The following IPO11 variants were observed in gnomAD, a reference collection of about 807,000 sequenced individuals.
IPO11 encodes the protein importin 11, also known as importin-11.
A neutral mutation model predicts 143.2 loss-of-function variants in IPO11; 66 were observed. That is an observed-to-expected ratio of 0.46 (90% CI 0.38 to 0.57). IPO11 has a LOEUF of 0.57. Ranked by LOEUF, IPO11 falls within the 20% of genes least tolerant of loss-of-function variation. The pLI is 0.00. For synonymous variants in IPO11, 385 were observed against 377.8 expected, an observed-to-expected ratio of 1.02 and a Z score of -0.22; for missense variants, 1,026 against 1,141.0, an observed-to-expected ratio of 0.90 and a Z score of 1.45.
intron 1 of IPO11, among the ~76,000 whole-genome samples, chr5:62,415,439 A>C (rs1743257302): frequency 6.8e-6 from 1 of 146,884 alleles, no homozygotes; most frequent in Admixed American, 6.9e-5. Flanking sequence ...CTGGGATTAC[A>C]GGAGTGAGCC....
At chr5:62,551,419 T>C in intron 26 of IPO11, 83 bp downstream of exon 26, 1 of 742,780 alleles carries the variant, frequency 1.3e-6, no homozygotes, top group Non-Finnish European at 2.3e-6. Flanking sequence ...TGAGTCTTTG[T>C]AAAAGTCGCT....
At chr5:62,453,766 A>G (rs1001116722) in intron 5 of IPO11, among the ~76,000 whole-genome samples, 31 of 152,176 alleles carry the variant, frequency 2.0e-4, no homozygotes, top group African/African-American at 7.0e-4. Context: ...CAAGCTCCCC[A>G]TAGAATTTTT....
intron 24 of IPO11, among the ~76,000 whole-genome samples, chr5:62,539,430 A>G (rs1454532554): frequency 1.3e-5 from 2 of 152,188 alleles, no homozygotes; most frequent in African/African-American, 2.4e-5. Flanking sequence ...GGCATTCCCT[A>G]ATATCTTCAT....
At chr5:62,551,445 C>A (rs891437994) in intron 26 of IPO11, 109 bp downstream of exon 26, 1 of 579,740 alleles carries the variant, frequency 1.7e-6, no homozygotes, top group Non-Finnish European at 3.0e-6. Flanking sequence ...GTATTTAGAC[C>A]TTTACATTTT....
intron 19 of IPO11, chr5:62,512,268 G>T (rs201122007): frequency 0.017 from 21,283 of 1,282,174 alleles, no homozygotes; most frequent in East Asian, 0.089. Flanking sequence ...CTTGGGTAGT[G>T]GGCGCCGGAA....
At chr5:62,579,576 C>A in intron 27 of IPO11, 1 of 1,551,096 alleles carries the variant, frequency 6.4e-7, no homozygotes, top group Non-Finnish European at 8.7e-7. Flanking sequence ...AAATTAACTG[C>A]CGTAACTTAG....
At chr5:62,475,055 A>G (rs757413383) in intron 8 of IPO11, among the ~76,000 whole-genome samples, 5 of 152,118 alleles carry the variant, frequency 3.3e-5, no homozygotes, top group Non-Finnish European at 7.4e-5. Context: ...TACTGAGGAA[A>G]GCAAAACTAA....
chr5:62,606,481 A>T (rs1012404974), intron 29 of IPO11, among the ~76,000 whole-genome samples: 1 of 8,666 alleles, frequency 1.2e-4, no homozygotes, highest in East Asian at 3.2e-3. Flanking sequence ...ACCCTGTCTT[A>T]AAAAAAAAAA....
chr5:62,428,082 T>C (rs1296366477), intron 1 of IPO11, among the ~76,000 whole-genome samples: 1 of 152,262 alleles, frequency 6.6e-6, no homozygotes, highest in Non-Finnish European at 1.5e-5. Context: ...TAGTACACAC[T>C]AGTATCTTTG....
At position 62,515,049 on chromosome 5, in the gene IPO11, A is replaced by T. The variant is rs1324277304; in HGVS notation, c.1783-339A>T. 4.6e-5 allele frequency among the ~76,000 whole-genome samples: 7 copies of T among 152,340 alleles called. No individual in the cohort carries two copies. The South Asian group carries it at 1.4e-3, about 32-fold the overall frequency. ...AGATGCTGACTTTTTAAAAAATAATAGTATAATTTCCAATTTGGTAAGCTG... is the reference window on the plus strand; with the variant it reads ...AGATGCTGACTTTTTAAAAAATAATTGTATAATTTCCAATTTGGTAAGCTG... On this transcript the variant is annotated intron_variant, in intron 19 of 29. Transcript: ENST00000325324.
At chr5:62,615,649 C>G (rs983707214) in intron 29 of IPO11, among the ~76,000 whole-genome samples, 3 of 152,162 alleles carry the variant, frequency 2.0e-5, no homozygotes, top group African/African-American at 7.2e-5. Flanking sequence ...ATTCATGAAT[C>G]AGGCAGCATC....
chr5:62,419,161 T>C (rs920140562), intron 1 of IPO11: 1 of 1,540,734 alleles, frequency 6.5e-7, no homozygotes, highest in African/African-American at 1.4e-5. Context: ...TGTCTAAACT[T>C]AGAAAGGTAC....
In IPO11 at chr5:62,591,624, G is replaced by C; in HGVS notation, c.2630G>C (p.Gly877Ala). 6.2e-7 allele frequency: 1 copy of C among 1,609,014 alleles called. No homozygotes were observed. The highest frequency in any genetic ancestry group is 8.5e-7 in the Non-Finnish European group (1 of 1,178,084). ...FCGIINISVEGLHDVMTEDPE... is the reference protein window; with the variant it reads ...FCGIINISVEALHDVMTEDPE... ...GGGATTATAAACATTTCAGTAGAAG[G>C]CCTGCATGATGTCATGACGGAAGAT... The change falls in exon 28 of 30, where the codon GGC becomes GCC. Residue 877 changes from glycine (G) to alanine (A), a missense_variant. This residue lies in a region of IPO11 where 351 missense variants were observed against 358.9 expected (regional missense o/e 0.98). Coordinates refer to ENST00000325324, the MANE Select transcript of IPO11 (RefSeq NM_016338.5).
chr5:62,434,685 T>C (rs1744110041), intron 1 of IPO11, among the ~76,000 whole-genome samples: 1 of 152,104 alleles, frequency 6.6e-6, no homozygotes, highest in Admixed American at 6.6e-5. Flanking sequence ...ATTTAAAAAA[T>C]ATTGGTTACA....
intron 20 of IPO11, among the ~76,000 whole-genome samples, chr5:62,520,430 T>G (rs1017550009): frequency 2.0e-5 from 3 of 152,198 alleles, no homozygotes; most frequent in Non-Finnish European, 4.4e-5. Flanking sequence ...ACGTGCAGGT[T>G]TGTTACATAT....
At chr5:62,598,596 G>C (rs1246896816) in intron 28 of IPO11, among the ~76,000 whole-genome samples, 2 of 141,906 alleles carry the variant, frequency 1.4e-5, no homozygotes, top group Admixed American at 1.5e-4. Context: ...CCAGCCTGGA[G>C]TGCAGTGGTG....
intron 5 of IPO11, among the ~76,000 whole-genome samples, chr5:62,462,168 T>C (rs965148621): frequency 2.6e-5 from 4 of 152,172 alleles, no homozygotes; most frequent in African/African-American, 9.7e-5. Context: ...TAGAGTGGAA[T>C]TACTGAATTA....
At chr5:62,601,403 T>C (rs1446595093) in intron 28 of IPO11, 1 of 155,972 alleles carries the variant, frequency 6.4e-6, no homozygotes, top group African/African-American at 2.4e-5. Flanking sequence ...GTGAAAATTA[T>C]GGGGAAAAAT....
At chr5:62,435,182 A>ATATATATGTATATATG (rs1561309122) in intron 1 of IPO11, among the ~76,000 whole-genome samples, 5 of 101,062 alleles carry the variant, frequency 4.9e-5, no homozygotes, top group African/African-American at 1.8e-4. Context: ...GTATATATGT[A>ATATATATGTATATATG]TATATATGTA....
Sources: allele counts gnomAD v4.1 joint callset (sites outside exome capture counted in the v4.1 genomes callset), GRCh38; gene constraint gnomAD v4.1.1; regional missense constraint gnomAD v4.1.1; transcripts MANE v1.5; gene names NCBI Gene and HGNC (gene_info 2026-07-23, HGNC 2026-07-21).